Variants in ADPRH observed in about 807,000 individuals in gnomAD.
ADPRH encodes the protein ADP-ribosylarginine hydrolase.
ADPRH carries 27 observed loss-of-function variants against 28.8 expected under a neutral mutation model. The observed-to-expected ratio is 0.94, with a 90% CI of 0.69 to 1.29. The LOEUF is 1.29. Ranked by LOEUF, ADPRH falls within the 50% of genes most tolerant of loss-of-function variation. The probability of loss-of-function intolerance (pLI) is 0.00; values close to 1 mark genes in which losing one functional copy is unlikely to be tolerated. For missense variants in ADPRH, 419 were observed against 444.8 expected, an observed-to-expected ratio of 0.94 and a Z score of 0.52; for synonymous variants, 161 against 166.9, an observed-to-expected ratio of 0.96 and a Z score of 0.27.
rs552513037 is a variant in ADPRH, at chr3:119,588,503, T to C, written c.*625T>C. 1.3e-5 allele frequency: 2 copies of C among 152,352 alleles called. No individual in the cohort carries two copies. Among genetic ancestry groups the C allele is most frequent in the African/African-American group, 4.8e-5 (2 of 41,570 alleles). 9.4% of individuals were successfully genotyped at this position (152,352 alleles called of 1,614,324 possible). On this transcript the variant is annotated 3_prime_UTR_variant, in exon 5 of 5. Transcript: ENST00000357003. ...ACTGCCAGGGATGCTAACTCCCTGG[T>C]AATTCTTGGCTTACCCTTTGTACAA...
At chr3:119,582,083 G>GTT in intron 2 of ADPRH, 51 bp from the exon 3 acceptor site, 2 of 651,112 alleles carry the variant, frequency 3.1e-6, no homozygotes, top group African/African-American at 1.9e-5. Context: ...TGTTTTTTCT[G>GTT]ATTCTTCTTG....
chr3:119,586,283 A>T lies in ADPRH; in HGVS notation c.299-2A>T, dbSNP rs1232583529. On this transcript the variant is annotated splice_acceptor_variant, in intron 3 of 4. Coordinates refer to ENST00000357003, the MANE Select transcript of ADPRH (RefSeq NM_001125.4). LOFTEE classifies it high-confidence loss of function. ...CCCATCCCTTATCCGACTCTTCCCC[A>T]GGTGGTGCCTCGGTGCACAACGCCA... The T allele has an allele frequency of 1.2e-6, 2 of 1,612,864 alleles. No homozygotes were observed. The highest frequency in any genetic ancestry group is 4.5e-5 in the East Asian group (2 of 44,890).
At chr3:119,587,109 G>A (rs1224556617) in intron 4 of ADPRH, among the ~76,000 whole-genome samples, 1 of 152,214 alleles carries the variant, frequency 6.6e-6, no homozygotes, top group Non-Finnish European at 1.5e-5. Flanking sequence ...AATAAAAAGA[G>A]GCTTTCTGCT....
rs1220317317 is a variant in ADPRH at position 119,588,075 on chromosome 3, G to A, written c.*197G>A. 2 of 493,460 alleles carry A rather than the reference G, an allele frequency of 4.1e-6. No homozygotes were observed. Among genetic ancestry groups the A allele is most frequent in the Non-Finnish European group, 6.8e-6 (2 of 294,910 alleles). 30.6% of individuals were successfully genotyped at this position (493,460 alleles called of 1,614,324 possible). ...CAGAATCTATCCCTTTTCTTACACT[G>A]AAGAGTCCTTTAGCTCAATTGATAG... is the stretch of plus-strand genomic sequence containing the variant. On this transcript the variant is annotated 3_prime_UTR_variant, in exon 5 of 5. Transcript: ENST00000357003.
At chr3:119,585,973 G>T (rs991102460) in intron 3 of ADPRH, among the ~76,000 whole-genome samples, 12 of 152,212 alleles carry the variant, frequency 7.9e-5, no homozygotes, top group Admixed American at 7.9e-4. Context: ...AGCTTAAAAG[G>T]CTTATTTACT....
At chr3:119,581,047 G>A (rs1488857303) in intron 2 of ADPRH, among the ~76,000 whole-genome samples, 1 of 150,552 alleles carries the variant, frequency 6.6e-6, no homozygotes, top group Non-Finnish European at 1.5e-5. Flanking sequence ...CTTACTATGT[G>A]CCAAGCACTC....
chr3:119,587,225 T>C (rs1262870044), intron 4 of ADPRH, among the ~76,000 whole-genome samples: 1 of 152,260 alleles, frequency 6.6e-6, no homozygotes, highest in East Asian at 1.9e-4. Context: ...TAACTTGATA[T>C]GTATCTCTTT....
At chr3:119,583,516 T>A (rs1294118412) in intron 3 of ADPRH, among the ~76,000 whole-genome samples, 1 of 152,070 alleles carries the variant, frequency 6.6e-6, no homozygotes. Context: ...TTAATAAAAA[T>A]TTAAAATTTG....
intron 2 of ADPRH, among the ~76,000 whole-genome samples, chr3:119,581,137 G>T (rs1291061532): frequency 1.4e-5 from 2 of 143,578 alleles, no homozygotes; most frequent in African/African-American, 5.3e-5. Flanking sequence ...GCACAATCTC[G>T]GCTCACTGCA....
rs530387577 is a variant in ADPRH at position 119,587,358 on chromosome 3, G to A, written c.660-106G>A. The A allele has an allele frequency of 8.8e-5, 76 of 865,528 alleles. No individual in the cohort carries two copies. The African/African-American group carries it at 1.0e-3, about 12-fold the overall frequency. 53.6% of individuals were successfully genotyped at this position (865,528 alleles called of 1,614,324 possible). A position where few individuals can be genotyped will look rare whatever the true frequency, so the allele number is the denominator to read the frequency against. On this transcript the variant is annotated intron_variant, in intron 4 of 4. Coordinates refer to ENST00000357003, the MANE Select transcript of ADPRH (RefSeq NM_001125.4). ...GTTTATGATATTACTGCAAGAAGCC[G>A]AAGTTATGTTGGATTTTTCTCTGTT...
intron 2 of ADPRH, among the ~76,000 whole-genome samples, chr3:119,581,169 G>A (rs2082402482): frequency 6.7e-6 from 1 of 149,140 alleles, no homozygotes; most frequent in African/African-American, 2.5e-5. Context: ...CTGGGTTCAA[G>A]CGATTCTCCT....
chr3:119,588,314 G>C lies in ADPRH; in HGVS notation c.*436G>C, dbSNP rs557903744. 6.5e-6 allele frequency: 1 copy of C among 154,578 alleles called. No individual in the cohort carries two copies. The highest frequency in any genetic ancestry group is 2.0e-4 in the South Asian group (1 of 4,898). 9.6% of individuals were successfully genotyped at this position (154,578 alleles called of 1,614,324 possible). On this transcript the variant is annotated 3_prime_UTR_variant, in exon 5 of 5. Transcript: ENST00000357003. The stretch of plus-strand genomic sequence containing the variant: ...GGGAAATGAAACCAGGAAGGGAAGA[G>C]AGCTAGTATGGGGTATGTTAATGAG...
chr3:119,583,292 T>A (rs976271816), intron 3 of ADPRH, among the ~76,000 whole-genome samples: 1 of 152,158 alleles, frequency 6.6e-6, no homozygotes, highest in Admixed American at 6.6e-5. Context: ...CTGACACATT[T>A]GCAACCATTT....
rs377477506 is a variant in ADPRH at position 119,582,253 on chromosome 3, G to T, written c.84G>T (p.Gln28His). The T allele has an allele frequency of 2.1e-5, 34 of 1,614,228 alleles. No individual in the cohort carries two copies. In the South Asian group the frequency reaches 3.6e-4, roughly 17 times the overall value. The change falls in exon 3 of 5, where the codon CAG becomes CAT. Residue 28 changes from glutamine (Q) to histidine (H), a missense_variant. Coordinates refer to ENST00000357003, the MANE Select transcript of ADPRH (RefSeq NM_001125.4). Reference sequence around the variant, plus strand: ...ACAATGGGAAGTGGGAGTTCCTCCAGGATGGGGAGAAGATACACCGGCAGT... The same window carrying T: ...ACAATGGGAAGTGGGAGTTCCTCCATGATGGGGAGAAGATACACCGGCAGT... ...GYYNGKWEFLQDGEKIHRQLA... is the reference protein window; with the variant it reads ...GYYNGKWEFLHDGEKIHRQLA...
chr3:119,586,285 G>T lies in ADPRH; in HGVS notation c.299G>T (p.Gly100Val). 6.2e-7 allele frequency: 1 copy of T among 1,612,856 alleles called. No homozygotes were observed. The highest frequency in any genetic ancestry group is 8.5e-7 in the Non-Finnish European group (1 of 1,180,022). ...CATCCCTTATCCGACTCTTCCCCAG[G>T]TGGTGCCTCGGTGCACAACGCCATG... ...CMEDMDGRAP[G>V]GASVHNAMQL... Residue 100 changes from glycine to valine, a missense_variant and splice_region_variant, in exon 4 of 5, where the codon GGT becomes GTT. Coordinates refer to ENST00000357003, the MANE Select transcript of ADPRH (RefSeq NM_001125.4).
chr3:119,584,150 G>T (rs190705619), intron 3 of ADPRH, among the ~76,000 whole-genome samples: 82 of 152,124 alleles, frequency 5.4e-4, no homozygotes, highest in African/African-American at 1.9e-3. Flanking sequence ...CATGTACAAA[G>T]ATGTTACTAA....
chr3:119,587,444 A>G lies in ADPRH; in HGVS notation c.660-20A>G. 6.7e-7 allele frequency: 1 copy of G among 1,484,964 alleles called. No individual in the cohort carries two copies. Among genetic ancestry groups the G allele is most frequent in the Non-Finnish European group, 8.9e-7 (1 of 1,117,480 alleles). 92.0% of individuals were successfully genotyped at this position (1,484,964 alleles called of 1,614,324 possible). On this transcript the variant is annotated intron_variant, in intron 4 of 4. Coordinates refer to ENST00000357003, the MANE Select transcript of ADPRH (RefSeq NM_001125.4). Reference sequence around the variant, plus strand: ...CACTTTATTTTTTTCAATTGACTCTAGATTTTTTCCTTTCTACAGGTCCTA... The same window carrying G: ...CACTTTATTTTTTTCAATTGACTCTGGATTTTTTCCTTTCTACAGGTCCTA...
In ADPRH at chr3:119,584,077, C is replaced by CA. The variant is rs569031372; in HGVS notation, c.298+1619dup. Among the ~76,000 whole-genome samples the CA allele has an allele frequency of 7.5e-5, 11 of 147,152 alleles. No individual in the cohort carries two copies. In the South Asian group the frequency reaches 1.1e-3, roughly 14 times the overall value. ...ACAGGCATGAGCCACCATGCCTGGC[C>CA]AAAAAAAAACTTTTTTTTAAAAAAT... On this transcript the variant is annotated intron_variant, in intron 3 of 4. Coordinates refer to ENST00000357003, the MANE Select transcript of ADPRH (RefSeq NM_001125.4).
rs1261293803 is a variant in ADPRH at position 119,586,285 on chromosome 3, G to A, written c.299G>A (p.Gly100Asp). The change falls in exon 4 of 5, where the codon GGT (glycine) becomes GAT (aspartate). Residue 100 changes from glycine to aspartate, a missense_variant and splice_region_variant. Transcript: ENST00000357003. ...CMEDMDGRAP[G>D]GASVHNAMQL... is the part of the protein sequence containing the mutation. The stretch of plus-strand genomic sequence containing the variant: ...CATCCCTTATCCGACTCTTCCCCAG[G>A]TGGTGCCTCGGTGCACAACGCCATG... 1.2e-6 allele frequency: 2 copies of A among 1,612,856 alleles called. No homozygotes were observed. Among genetic ancestry groups the A allele is most frequent in the Admixed American group, 1.7e-5 (1 of 60,030 alleles).
Sources: allele counts gnomAD v4.1 joint callset (sites outside exome capture counted in the v4.1 genomes callset), GRCh38; gene constraint gnomAD v4.1.1; transcripts MANE v1.5; gene names NCBI Gene and HGNC (gene_info 2026-07-23, HGNC 2026-07-21).